QRFPR: variants seen among roughly 807,000 people sequenced by gnomAD.
QRFPR encodes pyroglutamylated RFamide peptide receptor, also known as pyroglutamylated RF-amide peptide receptor.
A neutral mutation model predicts 31.3 loss-of-function variants in QRFPR; 37 were observed. The ratio of observed to expected loss-of-function variants is 1.18; its 90% CI spans 0.91 to 1.56. QRFPR has a LOEUF of 1.56. QRFPR is among the 40% of genes most tolerant of loss of function. The probability of loss-of-function intolerance (pLI) is 0.00; values close to 1 mark genes in which losing one functional copy is unlikely to be tolerated. For synonymous variants in QRFPR, 197 were observed against 192.0 expected, an observed-to-expected ratio of 1.03 and a Z score of -0.22; for missense variants, 542 against 532.5, an observed-to-expected ratio of 1.02 and a Z score of -0.18.
At position 121,351,733 on chromosome 4, in the gene QRFPR, C is replaced by A. The variant is rs1725763501; in HGVS notation, c.341-11123G>T. Among the ~76,000 whole-genome samples, 4 of 151,594 alleles carry A rather than the reference C, an allele frequency of 2.6e-5. No homozygotes were observed. In the South Asian group the frequency reaches 8.3e-4, roughly 31 times the overall value. ...ATGGTAATCAGGCAACAAAGCACAT[C>A]ATAAAGTGAACTTCCTCAGAAATGC... is the stretch of plus-strand genomic sequence containing the variant. On this transcript the variant is annotated intron_variant, in intron 1 of 5. Transcript: ENST00000394427.
At chr4:121,369,977 G>A (rs1726201582) in intron 1 of QRFPR, 2 of 764,066 alleles carry the variant, frequency 2.6e-6, no homozygotes, top group Non-Finnish European at 4.9e-6. Context: ...AGCCCTGCCT[G>A]TTGCCCAAAA....
At chr4:121,363,893 G>T (rs1489953209) in intron 1 of QRFPR, among the ~76,000 whole-genome samples, 1 of 148,184 alleles carries the variant, frequency 6.7e-6, no homozygotes, top group Non-Finnish European at 1.5e-5. Context: ...CTGAATTGAA[G>T]GAGAAAGAGA....
intron 1 of QRFPR, among the ~76,000 whole-genome samples, chr4:121,372,122 C>T (rs200357966): frequency 6.0e-4 from 91 of 152,260 alleles, no homozygotes; most frequent in African/African-American, 2.0e-3. Context: ...TTACACTCAA[C>T]GGAAACCAAA....
Position 121,380,743 on chromosome 4 carries a change from C to T in QRFPR, c.-96G>A. On this transcript the variant is annotated 5_prime_UTR_variant, in exon 1 of 6. Transcript: ENST00000394427. ...GGGCTTCGGGGGACCAGCCGGAGGCCGCCTCCCTTCCTCTACTCTGGAGTC... is the reference window on the plus strand; with the variant it reads ...GGGCTTCGGGGGACCAGCCGGAGGCTGCCTCCCTTCCTCTACTCTGGAGTC... The T allele has an allele frequency of 8.4e-7, 1 of 1,185,708 alleles. No individual in the cohort carries two copies. Among genetic ancestry groups the T allele is most frequent in the Non-Finnish European group, 1.2e-6 (1 of 861,774 alleles). The allele number at this position is 1,185,708 out of a possible 1,614,324, so 73.4% of individuals were successfully genotyped here.
chr4:121,340,206 G>T lies in QRFPR; in HGVS notation c.499+246C>A, dbSNP rs187539048. 398 of 459,258 alleles carry T rather than the reference G, an allele frequency of 8.7e-4. 2 individuals carry two copies. Among genetic ancestry groups the T allele is most frequent in the African/African-American group, 7.2e-3 (369 of 50,952 alleles). The allele number at this position is 459,258 out of a possible 1,614,324, so 28.4% of individuals were successfully genotyped here. On this transcript the variant is annotated intron_variant, in intron 2 of 5. Transcript: ENST00000394427. Reference sequence around the variant, plus strand: ...TTATCTTAGATTAGCTGAACATAGTGCTTAAACGTTTAAGATGTAAACTGA... The same window carrying T: ...TTATCTTAGATTAGCTGAACATAGTTCTTAAACGTTTAAGATGTAAACTGA...
At position 121,330,476 on chromosome 4, in the gene QRFPR, AAGAG is replaced by A; in HGVS notation, c.841_844del (p.Phe282LeufsTer12). 6.2e-7 allele frequency: 1 copy of A among 1,614,038 alleles called. No homozygotes were observed. Among genetic ancestry groups the A allele is most frequent in the Non-Finnish European group, 8.5e-7 (1 of 1,179,908 alleles). ...ATGGAATGGTGCCCAGCACACAGCA[AAGAG>A]AGCCACCACTGTCACCATCATAATG... On this transcript the variant is annotated frameshift_variant, in exon 5 of 6. Transcript: ENST00000394427. LOFTEE classifies it high-confidence loss of function.
At chr4:121,358,222 T>C (rs1725906795) in intron 1 of QRFPR, among the ~76,000 whole-genome samples, 1 of 152,210 alleles carries the variant, frequency 6.6e-6, no homozygotes, top group African/African-American at 2.4e-5. Context: ...GTTTATTGCT[T>C]ATTGTCAACA....
At chr4:121,347,102 T>A (rs1173917010) in intron 1 of QRFPR, among the ~76,000 whole-genome samples, 1 of 152,212 alleles carries the variant, frequency 6.6e-6, no homozygotes. Context: ...AAATTGGTGT[T>A]AATTCTTTTT....
chr4:121,367,410 A>G (rs180997270), intron 1 of QRFPR, among the ~76,000 whole-genome samples: 1 of 150,264 alleles, frequency 6.7e-6, no homozygotes, highest in African/African-American at 2.5e-5. Context: ...CTGAGTACAA[A>G]TGATTAGTTT....
At chr4:121,367,843 C>G (rs1218868012) in intron 1 of QRFPR, among the ~76,000 whole-genome samples, 2 of 148,016 alleles carry the variant, frequency 1.4e-5, no homozygotes, top group African/African-American at 5.0e-5. Flanking sequence ...ATTAATACCA[C>G]AGTCAAACAT....
At chr4:121,348,458 T>C (rs529579051) in intron 1 of QRFPR, among the ~76,000 whole-genome samples, 35 of 152,200 alleles carry the variant, frequency 2.3e-4, no homozygotes, top group Non-Finnish European at 4.6e-4. Flanking sequence ...CCAATTTTGA[T>C]GACTGCAGTT....
Position 121,380,882 on chromosome 4 carries a change from T to A in QRFPR, c.-235A>T, listed in dbSNP as rs1560749794. On this transcript the variant is annotated 5_prime_UTR_variant, in exon 1 of 6. Transcript: ENST00000394427. Reference sequence around the variant, plus strand: ...AGCCAAAGCACTGGGAGACTCGATCTCAGTGACCAAAAAATGTTCGCGGTT... The same window carrying A: ...AGCCAAAGCACTGGGAGACTCGATCACAGTGACCAAAAAATGTTCGCGGTT... 1 of 498,222 alleles carries A rather than the reference T, an allele frequency of 2.0e-6. No individual in the cohort carries two copies. Among genetic ancestry groups the A allele is most frequent in the Non-Finnish European group, 3.5e-6 (1 of 284,898 alleles). 30.9% of individuals were successfully genotyped at this position (498,222 alleles called of 1,614,324 possible). A position where few individuals can be genotyped will look rare whatever the true frequency, so the allele number is the denominator to read the frequency against.
Position 121,328,872 on chromosome 4 carries a change from G to A in QRFPR, c.*442C>T, listed in dbSNP as rs1725265177. On this transcript the variant is annotated 3_prime_UTR_variant, in exon 6 of 6. Transcript: ENST00000394427. ...CCGGGTTCACACCATTCTCCCGCCTGAGGCTCCCAAGTAGCTGGGACTACA... is the reference window on the plus strand; with the variant it reads ...CCGGGTTCACACCATTCTCCCGCCTAAGGCTCCCAAGTAGCTGGGACTACA... Among the ~76,000 whole-genome samples the A allele has an allele frequency of 6.6e-6, 1 of 152,112 alleles. No homozygotes were observed. The highest frequency in any genetic ancestry group is 2.4e-5 in the African/African-American group (1 of 41,422).
intron 2 of QRFPR, among the ~76,000 whole-genome samples, chr4:121,338,162 G>GATCTTT (rs890944996): frequency 6.6e-6 from 1 of 152,056 alleles, no homozygotes; most frequent in African/African-American, 2.4e-5. Context: ...TTTCTCACTC[G>GATCTTT]CTCTTTCTCT....
intron 1 of QRFPR, among the ~76,000 whole-genome samples, chr4:121,359,665 A>G (rs1022577895): frequency 3.3e-5 from 5 of 151,338 alleles, no homozygotes; most frequent in African/African-American, 4.9e-5. Flanking sequence ...GTGTATATAT[A>G]TATATGTGTG....
chr4:121,368,603 G>A (rs1463018459), intron 1 of QRFPR, among the ~76,000 whole-genome samples: 2 of 150,050 alleles, frequency 1.3e-5, no homozygotes, highest in African/African-American at 4.9e-5. Context: ...AGAAACAGGG[G>A]TCCCTGCCAA....
chr4:121,361,904 T>C (rs2110479460), intron 1 of QRFPR, among the ~76,000 whole-genome samples: 1 of 150,474 alleles, frequency 6.6e-6, no homozygotes, highest in South Asian at 2.1e-4. Context: ...ACACTGCTCC[T>C]GTTCCCTTTT....
intron 4 of QRFPR, among the ~76,000 whole-genome samples, chr4:121,331,849 C>T (rs1011033134): frequency 1.3e-5 from 2 of 152,094 alleles, no homozygotes; most frequent in Middle Eastern, 3.4e-3. Context: ...GACAGAGTTT[C>T]ACCATGTCGG....
At chr4:121,359,715 GTA>G (rs1336318400) in intron 1 of QRFPR, among the ~76,000 whole-genome samples, 19 of 149,140 alleles carry the variant, frequency 1.3e-4, no homozygotes, top group South Asian at 2.1e-4. Context: ...GTGTGTGTGT[GTA>G]TATATGTGTG....
Sources: allele counts gnomAD v4.1 joint callset (sites outside exome capture counted in the v4.1 genomes callset), GRCh38; gene constraint gnomAD v4.1.1; transcripts MANE v1.5; gene names NCBI Gene and HGNC (gene_info 2026-07-23, HGNC 2026-07-21).